OR1J2: variants seen among roughly 807,000 people sequenced by gnomAD.
The protein encoded by OR1J2 is olfactory receptor 1J2.
For synonymous variants in OR1J2, 142 were observed against 99.7 expected (o/e 1.42, Z -2.52); for missense variants, 304 against 246.1 (o/e 1.24, Z -1.57).
At chr9:122,461,988 A>G in the OR1J2 span, among the ~76,000 whole-genome samples, 1 of 152,090 alleles carries the variant, frequency 6.6e-6, no homozygotes, top group Admixed American at 6.5e-5. Flanking sequence ...TTCTGTCTTG[A>G]TGACCTGTCT....
the OR1J2 span, among the ~76,000 whole-genome samples, chr9:122,461,878 G>C: frequency 2.6e-5 from 4 of 152,276 alleles, no homozygotes; most frequent in South Asian, 8.3e-4. Context: ...CTGATGAATA[G>C]AATATATATT....
chr9:122,542,797 C>T, the OR1J2 span, among the ~76,000 whole-genome samples: 7 of 152,190 alleles, frequency 4.6e-5, no homozygotes, highest in African/African-American at 1.2e-4. Context: ...AAGTCCCATG[C>T]GGCCAGCCAT....
the OR1J2 span, among the ~76,000 whole-genome samples, chr9:122,545,493 ACT>A: frequency 9.2e-5 from 14 of 151,906 alleles, no homozygotes; most frequent in African/African-American, 3.4e-4. Flanking sequence ...GTGTTTTGAA[ACT>A]CTTTCATAAG....
the OR1J2 span, among the ~76,000 whole-genome samples, chr9:122,486,239 C>A: frequency 6.6e-6 from 1 of 152,128 alleles, no homozygotes; most frequent in African/African-American, 2.4e-5. Flanking sequence ...GGATTACAGG[C>A]ATGAACCGCT....
the OR1J2 span, among the ~76,000 whole-genome samples, chr9:122,522,073 T>C: frequency 6.6e-6 from 1 of 152,272 alleles, no homozygotes; most frequent in South Asian, 2.1e-4. Context: ...GAACTGAACA[T>C]CAATCACATT....
the OR1J2 span, among the ~76,000 whole-genome samples, chr9:122,451,752 T>C: frequency 6.6e-6 from 1 of 152,236 alleles, no homozygotes; most frequent in Non-Finnish European, 1.5e-5. Flanking sequence ...TTTCCTAGCC[T>C]TCTCAGCAAA....
At chr9:122,567,812 G>T in the OR1J2 span, 1 of 1,614,068 alleles carries the variant, frequency 6.2e-7, no homozygotes, top group South Asian at 1.1e-5. Flanking sequence ...CTGTAGTGAG[G>T]ATTCGTATAT....
the OR1J2 span, among the ~76,000 whole-genome samples, chr9:122,552,461 CA>C: frequency 6.6e-6 from 1 of 151,662 alleles, no homozygotes; most frequent in Non-Finnish European, 1.5e-5. Context: ...TGCATAGCAG[CA>C]AAAAAGGGAA....
the OR1J2 span, among the ~76,000 whole-genome samples, chr9:122,564,165 C>T: frequency 6.6e-6 from 1 of 152,086 alleles, no homozygotes; most frequent in African/African-American, 2.4e-5. Flanking sequence ...ATCACTGTTG[C>T]CCTCTAGTTA....
At chr9:122,454,070 A>T in the OR1J2 span, among the ~76,000 whole-genome samples, 1 of 152,226 alleles carries the variant, frequency 6.6e-6, no homozygotes, top group African/African-American at 2.4e-5. Context: ...CTCGTACATA[A>T]GGTCTCAGGT....
the OR1J2 span, chr9:122,553,923 T>C: frequency 6.2e-6 from 10 of 1,613,922 alleles, no homozygotes; most frequent in Non-Finnish European, 8.5e-6. Flanking sequence ...TGGAGGGAGA[T>C]GGAAGGCCTT....
At chr9:122,500,527 A>G in the OR1J2 span, among the ~76,000 whole-genome samples, 1 of 152,222 alleles carries the variant, frequency 6.6e-6, no homozygotes, top group Non-Finnish European at 1.5e-5. Context: ...CCAAGTGGCT[A>G]TGGCACTAGA....
the OR1J2 span, among the ~76,000 whole-genome samples, chr9:122,500,786 G>A: frequency 6.6e-6 from 1 of 152,292 alleles, no homozygotes; most frequent in African/African-American, 2.4e-5. Flanking sequence ...TTTGATCGTT[G>A]ATGGTATAGG....
At chr9:122,512,033 G>T (rs1828647673), downstream of OR1J2, among the ~76,000 whole-genome samples, 1 of 152,216 alleles carries the variant, frequency 6.6e-6, no homozygotes, top group Admixed American at 6.5e-5. Context: ...TATTTGAGGA[G>T]ATGTTTGGAG....
the OR1J2 span, among the ~76,000 whole-genome samples, chr9:122,452,080 G>A: frequency 2.0e-5 from 3 of 152,042 alleles, no homozygotes; most frequent in East Asian, 1.9e-4. Context: ...GGGTTTCACC[G>A]TGTTGGCCAG....
upstream of OR1J2, among the ~76,000 whole-genome samples, chr9:122,507,233 T>C (rs940428600): frequency 3.3e-5 from 5 of 152,186 alleles, no homozygotes; most frequent in African/African-American, 1.2e-4. Context: ...AGTCGTGACC[T>C]TTGAAGCAAT....
chr9:122,491,191 T>A, the OR1J2 span, among the ~76,000 whole-genome samples: 21 of 152,304 alleles, frequency 1.4e-4, no homozygotes, highest in African/African-American at 4.8e-4. Flanking sequence ...CTTGGACAGC[T>A]GAGTGTATGG....
At chr9:122,551,929 G>GT in the OR1J2 span, among the ~76,000 whole-genome samples, 2 of 152,018 alleles carry the variant, frequency 1.3e-5, no homozygotes, top group South Asian at 2.1e-4. Context: ...AGGTCTCAGA[G>GT]TTTTTTATTA....
the OR1J2 span, among the ~76,000 whole-genome samples, chr9:122,563,130 T>C: frequency 6.6e-6 from 1 of 152,106 alleles, no homozygotes; most frequent in Non-Finnish European, 1.5e-5. Flanking sequence ...ATTTATATTC[T>C]CACCAACAGT....
Sources: gnomAD v4.1 joint callset for allele counts (sites outside exome capture counted in the v4.1 genomes callset) on GRCh38, gnomAD v4.1.1 for gene constraint, MANE v1.5 for transcripts, NCBI Gene and HGNC (gene_info 2026-07-23, HGNC 2026-07-21) for gene names.